Variants in AOPEP observed in about 807,000 individuals in gnomAD.
AOPEP encodes aminopeptidase O (putative).
AOPEP carries 77 observed loss-of-function variants against 98.1 expected under a neutral mutation model. The observed-to-expected ratio is 0.78, with a 90% CI of 0.65 to 0.95. AOPEP has a LOEUF of 0.95. Ranked by LOEUF, AOPEP falls within the 40% of genes least tolerant of loss-of-function variation. AOPEP has a pLI of 0.00. For missense variants in AOPEP, 1,024 were observed against 1,024.7 expected (o/e 1.00, Z 0.01); for synonymous variants, 346 against 365.3 (o/e 0.95, Z 0.60).
chr9:95,140,481 C>CAAAAA, the AOPEP span, among the ~76,000 whole-genome samples: 11 of 135,658 alleles, frequency 8.1e-5, no homozygotes, highest in African/African-American at 2.6e-4. Context: ...TACAAAAAAA[C>CAAAAA]AAAACAAAAC....
intron 5 of AOPEP, among the ~76,000 whole-genome samples, chr9:94,888,993 A>G (rs2048567037): frequency 6.6e-6 from 1 of 152,050 alleles, no homozygotes; most frequent in African/African-American, 2.4e-5. Flanking sequence ...TTAGAGCTCT[A>G]GCGGCGGCTT....
At chr9:95,031,911 C>G (rs1430773670) in intron 13 of AOPEP, among the ~76,000 whole-genome samples, 1 of 152,142 alleles carries the variant, frequency 6.6e-6, no homozygotes, top group Non-Finnish European at 1.5e-5. Context: ...TGCAGAGCCC[C>G]CGCCTCTTCT....
chr9:95,072,047 A>G (rs1344143928), intron 14 of AOPEP, among the ~76,000 whole-genome samples: 3 of 152,130 alleles, frequency 2.0e-5, no homozygotes, highest in African/African-American at 2.4e-5. Flanking sequence ...GTTCAGTGAC[A>G]TCATGTTGGT....
intron 3 of AOPEP, among the ~76,000 whole-genome samples, chr9:94,777,292 C>T (rs1457374644): frequency 1.3e-5 from 2 of 151,848 alleles, no homozygotes; most frequent in African/African-American, 4.8e-5. Flanking sequence ...ATTAGCCGGG[C>T]GTGGTGGTGG....
At chr9:94,908,369 G>A (rs2051484124) in intron 5 of AOPEP, among the ~76,000 whole-genome samples, 1 of 152,070 alleles carries the variant, frequency 6.6e-6, no homozygotes, top group Non-Finnish European at 1.5e-5. Context: ...TCCCCTTGTT[G>A]GCCCCTCACC....
intron 7 of AOPEP, among the ~76,000 whole-genome samples, chr9:94,941,657 C>A (rs929478675): frequency 1.3e-5 from 2 of 152,200 alleles, no homozygotes; most frequent in Admixed American, 1.3e-4. Context: ...CAGACATGTC[C>A]TGAATAATTG....
At chr9:95,128,603 A>G in the AOPEP span, among the ~76,000 whole-genome samples, 1 of 152,202 alleles carries the variant, frequency 6.6e-6, no homozygotes, top group East Asian at 1.9e-4. Flanking sequence ...CAAGGAAGAC[A>G]GCTCTTACTC....
chr9:94,832,767 A>G (rs1856274756), intron 5 of AOPEP, among the ~76,000 whole-genome samples: 1 of 152,046 alleles, frequency 6.6e-6, no homozygotes, highest in Non-Finnish European at 1.5e-5. Context: ...AGTTTATTCA[A>G]TATGTTAAAT....
intron 5 of AOPEP, among the ~76,000 whole-genome samples, chr9:94,920,560 C>T (rs910331907): frequency 2.0e-5 from 3 of 152,078 alleles, no homozygotes; most frequent in Non-Finnish European, 2.9e-5. Context: ...CAGGGCTCCA[C>T]GGAAAAAGCA....
intron 13 of AOPEP, among the ~76,000 whole-genome samples, chr9:95,040,128 G>A (rs1362321226): frequency 1.3e-5 from 2 of 152,214 alleles, no homozygotes; most frequent in African/African-American, 2.4e-5. Flanking sequence ...GTAGAGGAGA[G>A]AGGAGGCACA....
At chr9:95,123,538 G>C in the AOPEP span, 4 of 519,638 alleles carry the variant, frequency 7.7e-6, no homozygotes, top group Non-Finnish European at 1.1e-5. Context: ...AAAAAAGAAG[G>C]AACAACGGTC....
chr9:94,790,809 A>T (rs1845544695), intron 3 of AOPEP, among the ~76,000 whole-genome samples: 1 of 151,958 alleles, frequency 6.6e-6, no homozygotes, highest in African/African-American at 2.4e-5. Flanking sequence ...TCTGCTGGCC[A>T]GTAGGGGCAT....
chr9:94,780,063 T>C (rs922992926), intron 3 of AOPEP, among the ~76,000 whole-genome samples: 14 of 152,234 alleles, frequency 9.2e-5, no homozygotes, highest in Non-Finnish European at 1.9e-4. Context: ...AACTATGGCC[T>C]GCTGGCTAAA....
At chr9:95,013,096 G>A (rs978095487) in intron 13 of AOPEP, among the ~76,000 whole-genome samples, 1 of 150,778 alleles carries the variant, frequency 6.6e-6, no homozygotes, top group African/African-American at 2.4e-5. Flanking sequence ...TGTCCCTTGA[G>A]TTTGTCACGT....
chr9:95,126,599 C>T, the AOPEP span: 1 of 1,613,498 alleles, frequency 6.2e-7, no homozygotes, highest in Non-Finnish European at 8.5e-7. Context: ...AGGAGAAGAC[C>T]ATGAGAATGT....
At chr9:94,807,479 C>G (rs1192292202) in intron 5 of AOPEP, among the ~76,000 whole-genome samples, 3 of 152,346 alleles carry the variant, frequency 2.0e-5, no homozygotes, top group South Asian at 2.1e-4. Flanking sequence ...CGTTTGTAAT[C>G]TCTCTATTGA....
rs150013902 is a variant in AOPEP, at chr9:94,846,275, G to A, written c.1364+45273G>A. On this transcript the variant is annotated intron_variant, in intron 5 of 16. Coordinates refer to ENST00000375315, the MANE Select transcript of AOPEP (RefSeq NM_001193329.3). ...GTGGAAAGAAGATCAGTGGTGTGCG[G>A]ACTGAGCTGTGGTGTCAGGAATATC... Among the ~76,000 whole-genome samples the A allele has an allele frequency of 3.6e-4, 55 of 152,244 alleles. 1 individual carries two copies. The highest frequency in any genetic ancestry group is 2.9e-3 in the East Asian group (15 of 5,164).
chr9:95,106,479 T>C, the AOPEP span, among the ~76,000 whole-genome samples: 1 of 152,206 alleles, frequency 6.6e-6, no homozygotes, highest in Admixed American at 6.5e-5. Flanking sequence ...TAAAGTCCAA[T>C]TTATCTATTG....
chr9:94,850,679 CCAA>C (rs2043448575), intron 5 of AOPEP, among the ~76,000 whole-genome samples: 1 of 152,156 alleles, frequency 6.6e-6, no homozygotes, highest in South Asian at 2.1e-4. Flanking sequence ...GGTTGCCTAC[CCAA>C]CAACCAGTCC....
Sources: gnomAD v4.1 joint callset for allele counts (sites outside exome capture counted in the v4.1 genomes callset) on GRCh38, gnomAD v4.1.1 for gene constraint, MANE v1.5 for transcripts, NCBI Gene and HGNC (gene_info 2026-07-23, HGNC 2026-07-21) for gene names.